The following ZDHHC2 variants were observed in gnomAD, a reference collection of about 807,000 sequenced individuals.
ZDHHC2 encodes the protein palmitoyltransferase ZDHHC2.
ZDHHC2 carries 51 observed loss-of-function variants against 55.6 expected under a neutral mutation model. The observed-to-expected ratio is 0.92, with a 90% CI of 0.73 to 1.16. The LOEUF is 1.16. ZDHHC2 is among the 50% of genes most tolerant of loss of function. The probability of loss-of-function intolerance (pLI) is 0.00; values close to 1 mark genes in which losing one functional copy is unlikely to be tolerated. For missense variants in ZDHHC2, 491 were observed against 442.4 expected, an observed-to-expected ratio of 1.11 and a Z score of -0.99; for synonymous variants, 199 against 152.9, an observed-to-expected ratio of 1.30 and a Z score of -2.22.
At chr8:17,200,400 G>C (rs1325824601) in intron 6 of ZDHHC2, among the ~76,000 whole-genome samples, 6 of 152,222 alleles carry the variant, frequency 3.9e-5, no homozygotes, top group Non-Finnish European at 7.3e-5. Flanking sequence ...TTGTCTCAGA[G>C]TCTGCTTTGG....
chr8:17,205,033 G>A (rs1485664613), intron 6 of ZDHHC2, among the ~76,000 whole-genome samples: 1 of 152,086 alleles, frequency 6.6e-6, no homozygotes, highest in Admixed American at 6.5e-5. Flanking sequence ...ACCTCAGAGT[G>A]TTTTACTTAC....
intron 6 of ZDHHC2, among the ~76,000 whole-genome samples, chr8:17,199,625 CTT>C: frequency 2.3e-5 from 1 of 42,754 alleles, no homozygotes; most frequent in Non-Finnish European, 9.9e-5. Context: ...CTTCTTCTTC[CTT>C]TCTTCTTCTT....
At chr8:17,180,167 T>C (rs1292926491) in intron 1 of ZDHHC2, among the ~76,000 whole-genome samples, 1 of 152,218 alleles carries the variant, frequency 6.6e-6, no homozygotes, top group Non-Finnish European at 1.5e-5. Flanking sequence ...TCTTTATTTT[T>C]TTTTAAAGTA....
rs1400351115 is a variant in ZDHHC2 at position 17,223,353 on chromosome 8, C to T, written c.*3132C>T. ...CAGCACAACCATCCCACCCACACAC[C>T]TAGACTACAGATTCTGATCTGTGAA... On this transcript the variant is annotated 3_prime_UTR_variant, in exon 13 of 13. Transcript: ENST00000262096. 1 of 151,846 alleles carries T rather than the reference C, an allele frequency of 6.6e-6. No homozygotes were observed. Among genetic ancestry groups the T allele is most frequent in the Admixed American group, 6.6e-5 (1 of 15,220 alleles). 9.4% of individuals were successfully genotyped at this position (151,846 alleles called of 1,614,324 possible). A position where few individuals can be genotyped will look rare whatever the true frequency, so the allele number is the denominator to read the frequency against.
At chr8:17,191,545 A>G (rs1270428197) in intron 3 of ZDHHC2, among the ~76,000 whole-genome samples, 1 of 152,198 alleles carries the variant, frequency 6.6e-6, no homozygotes, top group Non-Finnish European at 1.5e-5. Context: ...TAGCTCCCAC[A>G]AGTAAGTGAG....
chr8:17,203,431 C>A (rs930680781), intron 6 of ZDHHC2, among the ~76,000 whole-genome samples: 19 of 151,940 alleles, frequency 1.3e-4, no homozygotes, highest in African/African-American at 4.6e-4. Flanking sequence ...GGGTTTTCAC[C>A]AAGACCATGC....
intron 1 of ZDHHC2, among the ~76,000 whole-genome samples, chr8:17,165,674 A>T (rs1408067313): frequency 6.6e-6 from 1 of 152,244 alleles, no homozygotes; most frequent in African/African-American, 2.4e-5. Flanking sequence ...AAGGAAAATG[A>T]AATAAAAAAC....
At chr8:17,218,839 T>C (rs190120125) in intron 12 of ZDHHC2, among the ~76,000 whole-genome samples, 105 of 152,322 alleles carry the variant, frequency 6.9e-4, no homozygotes, top group Admixed American at 1.4e-3. Context: ...AAGTAGCTAA[T>C]AGAAACTAGA....
intron 12 of ZDHHC2, among the ~76,000 whole-genome samples, 152 bp downstream of exon 12, chr8:17,217,398 G>A (rs891025730): frequency 5.3e-5 from 8 of 151,984 alleles, no homozygotes; most frequent in Admixed American, 3.9e-4. Context: ...GCCATGCTGG[G>A]GCTTCTGAGT....
At chr8:17,219,252 T>TA (rs71212684) in intron 12 of ZDHHC2, among the ~76,000 whole-genome samples, 1,188 of 49,562 alleles carry the variant, frequency 0.024, 143 homozygotes, top group Non-Finnish European at 0.033. Context: ...AGCAAGACTC[T>TA]AAAAAAAAAA....
chr8:17,178,273 A>G (rs1213992819), intron 1 of ZDHHC2, among the ~76,000 whole-genome samples: 2 of 152,228 alleles, frequency 1.3e-5, no homozygotes, highest in Non-Finnish European at 2.9e-5. Flanking sequence ...TTGGTAAAAA[A>G]TGTACGAGTG....
intron 6 of ZDHHC2, among the ~76,000 whole-genome samples, chr8:17,199,352 C>T (rs1806501540): frequency 2.0e-5 from 3 of 151,996 alleles, no homozygotes; most frequent in Admixed American, 1.3e-4. Context: ...ATAAATAACG[C>T]CCCCTTCGTA....
Position 17,222,316 on chromosome 8 carries a change from C to G in ZDHHC2, c.*2095C>G, listed in dbSNP as rs1300756854. On this transcript the variant is annotated 3_prime_UTR_variant, in exon 13 of 13. Coordinates refer to ENST00000262096, the MANE Select transcript of ZDHHC2 (RefSeq NM_016353.5). ...ATAATCTTTGGAGATGATTGCATAT[C>G]TCATTAGATATGCAATATAAATTTA... The G allele has an allele frequency of 6.6e-6, 1 of 151,394 alleles. No homozygotes were observed. The highest frequency in any genetic ancestry group is 1.5e-5 in the Non-Finnish European group (1 of 67,682). 9.4% of individuals were successfully genotyped at this position (151,394 alleles called of 1,614,324 possible). A position where few individuals can be genotyped will look rare whatever the true frequency, so the allele number is the denominator to read the frequency against.
At chr8:17,195,416 T>C (rs1806255655) in intron 3 of ZDHHC2, 88 bp from the exon 4 acceptor site, 2 of 1,407,614 alleles carry the variant, frequency 1.4e-6, no homozygotes, top group Non-Finnish European at 9.6e-7. Flanking sequence ...TAATATTTTA[T>C]AAATACCCTT....
intron 1 of ZDHHC2, among the ~76,000 whole-genome samples, chr8:17,183,987 C>T (rs370801076): frequency 6.6e-5 from 10 of 152,056 alleles, no homozygotes; most frequent in African/African-American, 2.2e-4. Context: ...CCTGAGGTCC[C>T]GTGCCCTTTT....
intron 1 of ZDHHC2, among the ~76,000 whole-genome samples, chr8:17,177,503 T>C (rs534311936): frequency 6.6e-6 from 1 of 152,334 alleles, no homozygotes; most frequent in African/African-American, 2.4e-5. Flanking sequence ...TAACTGAAAA[T>C]GTTTTCATAA....
chr8:17,205,553 C>A, intron 6 of ZDHHC2, 102 bp from the exon 7 acceptor site: 3 of 1,273,308 alleles, frequency 2.4e-6, no homozygotes, highest in South Asian at 2.0e-5. Context: ...AAAGAAATGC[C>A]AATAAATTAG....
Position 17,201,729 on chromosome 8 carries a change from C to G in ZDHHC2, c.476+3316C>G, listed in dbSNP as rs149551694. Among the ~76,000 whole-genome samples the G allele has an allele frequency of 2.9e-3, 442 of 151,116 alleles. 4 individuals are homozygous for G. The highest frequency in any genetic ancestry group is 4.3e-3 in the Non-Finnish European group (290 of 67,804). On this transcript the variant is annotated intron_variant, in intron 6 of 12. Transcript: ENST00000262096. ...GCCAGGATGGTCTCGATCTCCTGAC[C>G]TTGTGATCCACCCGCCTCAGCCTCC...
At chr8:17,158,127 G>C (rs1301848448) in intron 1 of ZDHHC2, among the ~76,000 whole-genome samples, 3 of 152,128 alleles carry the variant, frequency 2.0e-5, no homozygotes, top group Admixed American at 6.5e-5. Context: ...GTTGGGAAAA[G>C]ATGAGGCTGT....
Sources: allele counts gnomAD v4.1 joint callset (sites outside exome capture counted in the v4.1 genomes callset), GRCh38; gene constraint gnomAD v4.1.1; transcripts MANE v1.5; gene names NCBI Gene and HGNC (gene_info 2026-07-23, HGNC 2026-07-21).